Variants in EFCAB6 observed in about 807,000 individuals in gnomAD.
The protein encoded by EFCAB6 is EF-hand calcium-binding domain-containing protein 6.
EFCAB6 carries 156 observed loss-of-function variants against 169.8 expected under a neutral mutation model. The observed-to-expected ratio is 0.92, with a 90% CI of 0.81 to 1.05. The LOEUF (loss-of-function observed/expected upper bound fraction) is 1.05, where lower values mean the gene tolerates loss of function less well. Among genes scored for constraint, EFCAB6 ranks in the 50% least tolerant of loss-of-function variants. The pLI is 0.00. For synonymous variants in EFCAB6, 698 were observed against 676.4 expected, an observed-to-expected ratio of 1.03 and a Z score of -0.50; for missense variants, 1,800 against 1,829.1, an observed-to-expected ratio of 0.98 and a Z score of 0.29.
intron 13 of EFCAB6, among the ~76,000 whole-genome samples, chr22:43,674,558 AAGG>A (rs2057638096): frequency 6.6e-6 from 1 of 152,202 alleles, no homozygotes; most frequent in South Asian, 2.1e-4. Context: ...GGAACTGGAT[AAGG>A]AGGCCTTCCC....
chr22:43,580,156 T>C (rs1167623323), intron 25 of EFCAB6, among the ~76,000 whole-genome samples: 2 of 152,224 alleles, frequency 1.3e-5, no homozygotes, highest in Admixed American at 6.5e-5. Context: ...CCTGGCTGCG[T>C]TGAGAGCTCC....
At chr22:43,780,706 T>C (rs2061793972) in intron 3 of EFCAB6, among the ~76,000 whole-genome samples, 1 of 152,084 alleles carries the variant, frequency 6.6e-6, no homozygotes, top group Non-Finnish European at 1.5e-5. Flanking sequence ...CTCTCCTCTT[T>C]CTCCTTAGAA....
intron 10 of EFCAB6, among the ~76,000 whole-genome samples, chr22:43,697,793 TAG>T (rs1945209994): frequency 1.3e-5 from 2 of 152,044 alleles, no homozygotes; most frequent in South Asian, 4.2e-4. Context: ...TGAATCCAAG[TAG>T]AGACATCGTA....
In EFCAB6 at chr22:43,665,423, T is replaced by A. The variant is rs1603070579; in HGVS notation, c.1983+1681A>T. 2.0e-5 allele frequency among the ~76,000 whole-genome samples: 3 copies of A among 152,192 alleles called. No individual in the cohort carries two copies. The East Asian group carries it at 5.8e-4, about 29-fold the overall frequency. ...CTGCCACTTCTCTAAGATAGTCACT[T>A]TCCACTCTGAAAAACCAGGGGCAGA... On this transcript the variant is annotated intron_variant, in intron 17 of 31. Transcript: ENST00000262726.
At chr22:43,613,142 T>C (rs1310346336) in intron 21 of EFCAB6, among the ~76,000 whole-genome samples, 1 of 147,848 alleles carries the variant, frequency 6.8e-6, no homozygotes, top group Non-Finnish European at 1.5e-5. Context: ...CATAAATATA[T>C]AAATATCATA....
chr22:43,654,013 G>A (rs534384764), intron 17 of EFCAB6, among the ~76,000 whole-genome samples: 5 of 152,100 alleles, frequency 3.3e-5, no homozygotes, highest in African/African-American at 1.2e-4. Flanking sequence ...GCTTGTTTTA[G>A]AAAAAGATCA....
chr22:43,667,298 C>T, intron 16 of EFCAB6, 26 bp from the exon 17 acceptor site: 1 of 1,608,530 alleles, frequency 6.2e-7, no homozygotes, highest in Non-Finnish European at 8.5e-7. Context: ...GGCATTTAGA[C>T]CCAGTGTCAA....
intron 26 of EFCAB6, among the ~76,000 whole-genome samples, chr22:43,569,253 G>GA (rs967164111): frequency 1.3e-5 from 2 of 152,264 alleles, no homozygotes; most frequent in Admixed American, 6.5e-5. Flanking sequence ...AACAACAAAA[G>GA]AATAACTCTG....
chr22:43,789,883 A>ACACACACACACACACACACAC (rs61135895), intron 2 of EFCAB6, among the ~76,000 whole-genome samples: 1 of 151,040 alleles, frequency 6.6e-6, no homozygotes, highest in South Asian at 2.1e-4. Context: ...ACACACACAC[A>ACACACACACACACACACACAC]AAAGTCTTCC....
rs531407001 is a variant in EFCAB6, at chr22:43,584,441, C to T, written c.3033-3782G>A. 7.9e-5 allele frequency among the ~76,000 whole-genome samples: 12 copies of T among 152,082 alleles called. No homozygotes were observed. The East Asian group carries it at 1.4e-3, about 17-fold the overall frequency. On this transcript the variant is annotated intron_variant, in intron 24 of 31. Coordinates refer to ENST00000262726, the MANE Select transcript of EFCAB6 (RefSeq NM_022785.4). ...GGGCCCAGTCTTACGTACCTCCCCA[C>T]CCCCACCACCACTTTCATGGGCTTT...
At chr22:43,716,734 A>G (rs1014389290) in intron 9 of EFCAB6, 114 bp downstream of exon 9, 1 of 1,324,344 alleles carries the variant, frequency 7.6e-7, no homozygotes, top group Non-Finnish European at 1.0e-6. Flanking sequence ...TGGAGAAGAC[A>G]TAGGTAGGAT....
chr22:43,530,710 A>G lies in EFCAB6; in HGVS notation c.4383+105T>C, dbSNP rs539590253. ...GTGAGATCTGAAGCAGCCAGGTCACACCGGGCCTTCGGCAGCAGGTAGAGG... is the reference window on the plus strand; with the variant it reads ...GTGAGATCTGAAGCAGCCAGGTCACGCCGGGCCTTCGGCAGCAGGTAGAGG... On this transcript the variant is annotated intron_variant, in intron 31 of 31. Coordinates refer to ENST00000262726, the MANE Select transcript of EFCAB6 (RefSeq NM_022785.4). 34 of 1,559,302 alleles carry G rather than the reference A, an allele frequency of 2.2e-5. No individual in the cohort carries two copies. In the African/African-American group the frequency reaches 4.5e-4, roughly 21 times the overall value.
In EFCAB6 at chr22:43,795,878, CCA is replaced by C. The variant is rs2062487948; in HGVS notation, c.-8+13115_-8+13116del. Among the ~76,000 whole-genome samples the C allele has an allele frequency of 6.6e-6, 1 of 150,746 alleles. No homozygotes were observed. Among genetic ancestry groups the C allele is most frequent in the South Asian group, 2.1e-4 (1 of 4,748 alleles). ...CACATACTCTCACCATACACAGTCACCACACACAATACACACTCACCACACAT... is the reference window on the plus strand; with the variant it reads ...CACATACTCTCACCATACACAGTCACCACACAATACACACTCACCACACAT... On this transcript the variant is annotated intron_variant, in intron 2 of 31. Transcript: ENST00000262726. The surrounding 1 kb of genome is among the most constrained non-coding windows in gnomAD (Gnocchi z 4.2).
At chr22:43,544,763 A>G (rs1256245004) in intron 27 of EFCAB6, among the ~76,000 whole-genome samples, 1 of 151,784 alleles carries the variant, frequency 6.6e-6, no homozygotes, top group Admixed American at 6.6e-5. Flanking sequence ...GGATCCTGCA[A>G]TCTGCAACTA....
intron 25 of EFCAB6, among the ~76,000 whole-genome samples, chr22:43,579,583 C>CACGCAGGCATCATTCCCTAT (rs2050561302): frequency 6.6e-6 from 1 of 150,888 alleles, no homozygotes; most frequent in South Asian, 2.1e-4. Flanking sequence ...TCATTCCCTA[C>CACGCAGGCATCATTCCCTAT]ACGCAGGCAT....
intron 2 of EFCAB6, among the ~76,000 whole-genome samples, chr22:43,794,903 A>G (rs987624932): frequency 1.3e-5 from 2 of 152,224 alleles, no homozygotes. Flanking sequence ...ACAAAAAACA[A>G]TTTAGCCAGT....
chr22:43,673,187 G>C (rs577235376), intron 13 of EFCAB6, among the ~76,000 whole-genome samples: 1 of 152,072 alleles, frequency 6.6e-6, no homozygotes, highest in South Asian at 2.1e-4. Flanking sequence ...CTGGGGAAGA[G>C]AACCGGTAGC....
chr22:43,559,535 T>C (rs982009246), intron 26 of EFCAB6, among the ~76,000 whole-genome samples: 5 of 152,232 alleles, frequency 3.3e-5, no homozygotes, highest in Non-Finnish European at 2.9e-5. Context: ...GGATTATAAA[T>C]GATTCTACTA....
rs2057374059 is a variant in EFCAB6 at position 43,668,977 on chromosome 22, C to T, written c.1709G>A (p.Gly570Glu). Residue 570 changes from glycine (G) to glutamate (E), a missense_variant, in exon 16 of 32, where the codon GGA (glycine) becomes GAA (glutamate). By Grantham distance (98) the Gly-to-Glu change is moderately conservative. Coordinates refer to ENST00000262726, the MANE Select transcript of EFCAB6 (RefSeq NM_022785.4). The stretch of plus-strand genomic sequence containing the variant: ...AGAGACAGTGGGTGGGCCATCAATT[C>T]CTATGCATGCCAAAAGTTTCTTGTA... ...ILYKKLLACIGIDGPPTVSPV... is the reference protein window; with the variant it reads ...ILYKKLLACIEIDGPPTVSPV... 2 of 1,613,092 alleles carry T rather than the reference C, an allele frequency of 1.2e-6. No homozygotes were observed. Among genetic ancestry groups the T allele is most frequent in the African/African-American group, 2.7e-5 (2 of 75,050 alleles).
Sources: gnomAD v4.1 joint callset for allele counts (sites outside exome capture counted in the v4.1 genomes callset) on GRCh38, gnomAD v4.1.1 for gene constraint, Gnocchi (gnomAD v3.1) non-coding constraint, MANE v1.5 for transcripts, NCBI Gene and HGNC (gene_info 2026-07-23, HGNC 2026-07-21) for gene names.